Variants in PDPR observed in about 807,000 individuals in gnomAD.
PDPR encodes the protein pyruvate dehydrogenase phosphatase regulatory subunit.
In PDPR, 50 loss-of-function variants were observed where a neutral mutation model predicts 102.2. The ratio of observed to expected loss-of-function variants is 0.49; its 90% confidence interval spans 0.39 to 0.62. The LOEUF is 0.62. Ranked by LOEUF, PDPR falls within the 20% of genes least tolerant of loss-of-function variation. PDPR has a pLI of 0.00. For synonymous variants in PDPR, 259 were observed against 406.0 expected, an observed-to-expected ratio of 0.64 and a Z score of 4.35; for missense variants, 625 against 1,098.2, an observed-to-expected ratio of 0.57 and a Z score of 6.09.
rs1387210908 is a variant in PDPR, at chr16:70,158,165, A to G, written c.*1286A>G. ...GCAGGAGACAATGTGGGTGCCCAGA[A>G]GTGCCCTGCGCTTTCAGGCAGTGTC... On this transcript the variant is annotated 3_prime_UTR_variant, in exon 19 of 19. Transcript: ENST00000288050. The G allele has an allele frequency of 6.6e-6, 1 of 152,544 alleles. No individual in the cohort carries two copies. Among genetic ancestry groups the G allele is most frequent in the Non-Finnish European group, 1.5e-5 (1 of 68,196 alleles). 9.4% of individuals were successfully genotyped at this position (152,544 alleles called of 1,614,324 possible).
At position 70,130,507 on chromosome 16, in the gene PDPR, A is replaced by G; in HGVS notation, c.692A>G (p.Gln231Arg). Reference sequence around the variant, plus strand: ...ACTGGAGTGGAGACCGATAAAGGACAGATTGAATGCCAGTATTTTGTCAAC... The same window carrying G: ...ACTGGAGTGGAGACCGATAAAGGACGGATTGAATGCCAGTATTTTGTCAAC... Reference protein sequence around the residue: ...QVTGVETDKGQIECQYFVNCA... With the variant: ...QVTGVETDKGRIECQYFVNCA... Residue 231 changes from glutamine (Q) to arginine (R), a missense_variant, in exon 7 of 19, where the codon CAG becomes CGG. Around this residue, in one of 11 missense-constraint regions of PDPR, gnomAD observed 35 missense variants for 63.5 expected, o/e 0.55. Transcript: ENST00000288050. The G allele has an allele frequency of 6.2e-7, 1 of 1,613,988 alleles. No individual in the cohort carries two copies. Among genetic ancestry groups the G allele is most frequent in the Admixed American group, 1.7e-5 (1 of 60,030 alleles).
intron 17 of PDPR, 83 bp from the exon 18 acceptor site, chr16:70,153,308 T>A (rs1032041921): frequency 2.3e-4 from 318 of 1,381,578 alleles, no homozygotes; most frequent in South Asian, 6.7e-4. Flanking sequence ...ATGTTAATAG[T>A]GTGAGCCATC....
rs1597329678 is a variant in PDPR, at chr16:70,132,781, A to T, written c.997+481A>T. The stretch of plus-strand genomic sequence containing the variant: ...TAAGATTACAGATGTGAGCCACTGT[A>T]CCTAGCCCTTTGTGTGTGTTTAGTC... On this transcript the variant is annotated intron_variant, in intron 9 of 18. Transcript: ENST00000288050. 2.0e-5 allele frequency among the ~76,000 whole-genome samples: 3 copies of T among 152,128 alleles called. No individual in the cohort carries two copies. In the South Asian group the frequency reaches 6.2e-4, roughly 31 times the overall value.
At chr16:70,143,039 C>T (rs1330291201) in intron 13 of PDPR, among the ~76,000 whole-genome samples, 1 of 152,256 alleles carries the variant, frequency 6.6e-6, no homozygotes, top group South Asian at 2.1e-4. Flanking sequence ...ACCAAAAATA[C>T]AAAAAATTAA....
intron 7 of PDPR, 42 bp downstream of exon 7, chr16:70,130,586 C>G (rs1434776549): frequency 4.3e-6 from 7 of 1,611,414 alleles, no homozygotes; most frequent in Non-Finnish European, 5.9e-6. Flanking sequence ...TAACGTTTGT[C>G]TCCAAGATTT....
chr16:70,115,416 T>G (rs2549292), intron 2 of PDPR, among the ~76,000 whole-genome samples: 2 of 152,178 alleles, frequency 1.3e-5, no homozygotes, highest in African/African-American at 4.8e-5. Flanking sequence ...GCCACTGCGC[T>G]CGGCCAACTT....
At chr16:70,147,684 A>G (rs1266455618) in intron 16 of PDPR, 1 of 447,566 alleles carries the variant, frequency 2.2e-6, no homozygotes, top group East Asian at 7.0e-5. Context: ...GTGGTTACTG[A>G]TGGAGACTCT....
chr16:70,125,398 A>AACCC (rs56891998), intron 3 of PDPR, among the ~76,000 whole-genome samples: 1 of 147,094 alleles, frequency 6.8e-6, no homozygotes, highest in Admixed American at 6.8e-5. Context: ...AAACAAAAAA[A>AACCC]CAAAAATTAG....
At chr16:70,163,266 GTTT>G (rs67708146), downstream of PDPR, among the ~76,000 whole-genome samples, 7 of 149,494 alleles carry the variant, frequency 4.7e-5, no homozygotes, top group African/African-American at 1.7e-4. Context: ...TTTTTGAGTA[GTTT>G]TTTTTTTTTT....
intron 18 of PDPR, among the ~76,000 whole-genome samples, chr16:70,154,134 C>T (rs1475830867): frequency 5.9e-5 from 9 of 152,064 alleles, no homozygotes; most frequent in East Asian, 3.9e-4. Context: ...CCAGCCTGGG[C>T]GACAGAGCGA....
At chr16:70,150,463 T>C (rs969111433) in intron 17 of PDPR, among the ~76,000 whole-genome samples, 1 of 152,204 alleles carries the variant, frequency 6.6e-6, no homozygotes, top group African/African-American at 2.4e-5. Context: ...TAGCAATCAA[T>C]GATTGTAGGC....
rs1597397433 is a variant in PDPR, at chr16:70,161,819, G to A, written c.*4940G>A. ...CTTGGAGAGTTACACATTTCTTCATGAGCCATTTTTCTCATTCTTAGATGC... is the reference window on the plus strand; with the variant it reads ...CTTGGAGAGTTACACATTTCTTCATAAGCCATTTTTCTCATTCTTAGATGC... On this transcript the variant is annotated 3_prime_UTR_variant, in exon 19 of 19. Coordinates refer to ENST00000288050, the MANE Select transcript of PDPR (RefSeq NM_017990.5). The A allele has an allele frequency of 6.6e-6, 1 of 152,510 alleles. No individual in the cohort carries two copies. Among genetic ancestry groups the A allele is most frequent in the East Asian group, 1.9e-4 (1 of 5,184 alleles). The allele number at this position is 152,510 out of a possible 1,614,324, so 9.4% of individuals were successfully genotyped here. A position where few individuals can be genotyped will look rare whatever the true frequency, so the allele number is the denominator to read the frequency against.
At chr16:70,137,013 G>A (rs1233272918) in intron 10 of PDPR, among the ~76,000 whole-genome samples, 1 of 152,074 alleles carries the variant, frequency 6.6e-6, no homozygotes, top group Admixed American at 6.6e-5. Context: ...AAAGTGCTAG[G>A]ATTACAGGAT....
intron 11 of PDPR, among the ~76,000 whole-genome samples, chr16:70,139,268 G>T (rs539339130): frequency 6.6e-6 from 1 of 152,250 alleles, no homozygotes; most frequent in Non-Finnish European, 1.5e-5. Flanking sequence ...AGGAGTTACA[G>T]TTGGTACATA....
Position 70,156,729 on chromosome 16 carries a change from G to C in PDPR, c.2490G>C (p.Val830=), listed in dbSNP as rs373160172. ...FSEDTGEEQV[V]TADFINRGEY... ...AGGACACGGGGGAAGAGCAAGTGGT[G>C]ACAGCAGATTTCATCAACCGGGGAG... is the stretch of plus-strand genomic sequence containing the variant. The change falls in exon 19 of 19, where the codon GTG becomes GTC. Residue 830 remains valine, a synonymous_variant. Transcript: ENST00000288050. 44 of 1,613,706 alleles carry C rather than the reference G, an allele frequency of 2.7e-5. No homozygotes were observed. The highest frequency in any genetic ancestry group is 3.2e-5 in the Non-Finnish European group (38 of 1,179,800).
At chr16:70,133,360 G>A (rs1964741565) in intron 9 of PDPR, among the ~76,000 whole-genome samples, 1 of 151,716 alleles carries the variant, frequency 6.6e-6, no homozygotes, top group Non-Finnish European at 1.5e-5. Flanking sequence ...GACCTCAGGT[G>A]ATCCGCCTGC....
chr16:70,127,465 T>C, intron 4 of PDPR, 72 bp downstream of exon 4: 1 of 1,570,748 alleles, frequency 6.4e-7, no homozygotes, highest in East Asian at 2.3e-5. Flanking sequence ...TATTTGGTCC[T>C]CTGCCAGGTG....
intron 10 of PDPR, among the ~76,000 whole-genome samples, chr16:70,138,215 T>G: frequency 8.8e-6 from 1 of 114,260 alleles, no homozygotes; most frequent in African/African-American, 2.9e-5. Flanking sequence ...TAATTTTTTT[T>G]TTTTTTTTTT....
chr16:70,156,563 A>G lies in PDPR; in HGVS notation c.2324A>G (p.His775Arg), dbSNP rs370335868. ...CTCACCATGTTCATCCTGGACGACC[A>G]TGATTCAGACCTAGACCTTTGGCCT... ...KRLTMFILDD[H>R]DSDLDLWPWW... The change falls in exon 19 of 19, where the codon CAT becomes CGT. Residue 775 changes from histidine (H) to arginine (R), a missense_variant. Coordinates refer to ENST00000288050, the MANE Select transcript of PDPR (RefSeq NM_017990.5). 9.3e-6 allele frequency: 15 copies of G among 1,614,084 alleles called. No individual in the cohort carries two copies. Among genetic ancestry groups the G allele is most frequent in the African/African-American group, 5.3e-5 (4 of 75,080 alleles).
Sources: allele counts gnomAD v4.1 joint callset (sites outside exome capture counted in the v4.1 genomes callset), GRCh38; gene constraint gnomAD v4.1.1; regional missense constraint gnomAD v4.1.1; transcripts MANE v1.5; gene names NCBI Gene and HGNC (gene_info 2026-07-23, HGNC 2026-07-21).